DYM: variants seen among roughly 807,000 people sequenced by gnomAD.
DYM encodes dymeclin, also known as dyggve-Melchior-Clausen syndrome protein.
DYM carries 78 observed loss-of-function variants against 93.1 expected under a neutral mutation model. That is an observed-to-expected ratio of 0.84 (90% CI 0.70 to 1.01). The LOEUF is 1.01. Among genes scored for constraint, DYM ranks in the 50% least tolerant of loss-of-function variants. DYM has a pLI of 0.00. For synonymous variants in DYM, 321 were observed against 319.7 expected (o/e 1.00, Z -0.04); for missense variants, 789 against 845.0 (o/e 0.93, Z 0.82).
Position 49,088,586 on chromosome 18 carries a change from A to G in DYM, c.2025+8816T>C, listed in dbSNP as rs548853397. On this transcript the variant is annotated intron_variant, in intron 17 of 17. Coordinates refer to ENST00000675505, the MANE Select transcript of DYM (RefSeq NM_001353214.3). ...AAAAAAAGGCCTAACAGCCTTTTTTAAACAGTACTCCATAAAGCAGCAATG... is the reference window on the plus strand; with the variant it reads ...AAAAAAAGGCCTAACAGCCTTTTTTGAACAGTACTCCATAAAGCAGCAATG... Among the ~76,000 whole-genome samples the G allele has an allele frequency of 3.3e-5, 5 of 151,704 alleles. No individual in the cohort carries two copies. The East Asian group carries it at 9.7e-4, about 29-fold the overall frequency.
chr18:49,085,165 A>G (rs1568395378), intron 17 of DYM, among the ~76,000 whole-genome samples: 1 of 152,158 alleles, frequency 6.6e-6, no homozygotes, highest in Non-Finnish European at 1.5e-5. Flanking sequence ...TACTCTTATG[A>G]CTCAATAAAC....
intron 13 of DYM, among the ~76,000 whole-genome samples, chr18:49,215,623 G>T (rs943175393): frequency 2.6e-5 from 4 of 152,148 alleles, no homozygotes; most frequent in African/African-American, 9.7e-5. Context: ...GTGTTGAAAA[G>T]ATTATACTCT....
intron 17 of DYM, among the ~76,000 whole-genome samples, chr18:49,090,822 A>C (rs2145406417): frequency 6.6e-6 from 1 of 152,376 alleles, no homozygotes; most frequent in East Asian, 1.9e-4. Flanking sequence ...GACAGTCAAG[A>C]AGAGAACCAC....
chr18:49,313,562 C>A lies in DYM; in HGVS notation c.763+18302G>T, dbSNP rs56884108. 4.6e-3 allele frequency among the ~76,000 whole-genome samples: 673 copies of A among 145,210 alleles called. 3 individuals carry two copies. The highest frequency in any genetic ancestry group is 0.016 in the African/African-American group (628 of 39,208). On this transcript the variant is annotated intron_variant, in intron 8 of 17. Coordinates refer to ENST00000675505, the MANE Select transcript of DYM (RefSeq NM_001353214.3). Reference sequence around the variant, plus strand: ...TCACCCTATATGGTCTAAAAAGAGGCATGAATAATCCACCCCTTGTTTAGC... The same window carrying A: ...TCACCCTATATGGTCTAAAAAGAGGAATGAATAATCCACCCCTTGTTTAGC...
At chr18:49,212,021 A>C (rs1294757383) in intron 13 of DYM, among the ~76,000 whole-genome samples, 1 of 152,218 alleles carries the variant, frequency 6.6e-6, no homozygotes, top group Non-Finnish European at 1.5e-5. Context: ...GAACAAGTAG[A>C]TGTCATGTGG....
chr18:49,374,724 C>T (rs1370614195), intron 5 of DYM, among the ~76,000 whole-genome samples: 2 of 152,052 alleles, frequency 1.3e-5, no homozygotes, highest in South Asian at 2.1e-4. Context: ...TTTGGGAGGC[C>T]GAGGTGGGCA....
chr18:49,454,002 G>C (rs1239388435), intron 1 of DYM, among the ~76,000 whole-genome samples: 1 of 152,212 alleles, frequency 6.6e-6, no homozygotes, highest in African/African-American at 2.4e-5. Context: ...AGGCAAACCA[G>C]TGTTACAACC....
At chr18:49,377,891 A>T (rs890743723) in intron 5 of DYM, among the ~76,000 whole-genome samples, 2 of 152,178 alleles carry the variant, frequency 1.3e-5, no homozygotes, top group African/African-American at 2.4e-5. Flanking sequence ...CCCACAAGAG[A>T]TGTTAACATA....
chr18:49,348,992 G>A (rs2064878060), intron 6 of DYM, among the ~76,000 whole-genome samples: 1 of 150,670 alleles, frequency 6.6e-6, no homozygotes, highest in Non-Finnish European at 1.5e-5. Context: ...CAGATGACTT[G>A]AGCACAGCAG....
intron 13 of DYM, among the ~76,000 whole-genome samples, chr18:49,217,223 G>A (rs1042585099): frequency 1.3e-5 from 2 of 152,148 alleles, no homozygotes; most frequent in Non-Finnish European, 2.9e-5. Flanking sequence ...AAAAAGAAAC[G>A]AACAAAGCCT....
chr18:49,131,996 A>G (rs1055662039), intron 15 of DYM, among the ~76,000 whole-genome samples: 2 of 152,196 alleles, frequency 1.3e-5, no homozygotes, highest in African/African-American at 4.8e-5. Context: ...CAAATGTGTG[A>G]ATTTTATTTG....
intron 2 of DYM, among the ~76,000 whole-genome samples, chr18:49,426,511 G>A (rs1342979385): frequency 6.6e-6 from 1 of 151,544 alleles, no homozygotes; most frequent in Non-Finnish European, 1.5e-5. Flanking sequence ...AAACCTGCAT[G>A]TTGTGCACGT....
intron 14 of DYM, among the ~76,000 whole-genome samples, chr18:49,173,080 T>A (rs2088955743): frequency 6.6e-6 from 1 of 152,088 alleles, no homozygotes; most frequent in Non-Finnish European, 1.5e-5. Flanking sequence ...AAGATTATCC[T>A]TTCCCCCTTA....
chr18:49,179,423 G>A (rs1157069206), intron 14 of DYM, among the ~76,000 whole-genome samples: 1 of 152,084 alleles, frequency 6.6e-6, no homozygotes. Flanking sequence ...TTGATATACT[G>A]AGTACTTAAA....
At chr18:49,195,897 C>T (rs2145780616) in intron 14 of DYM, among the ~76,000 whole-genome samples, 1 of 146,248 alleles carries the variant, frequency 6.8e-6, no homozygotes, top group Non-Finnish European at 1.5e-5. Context: ...TCTAATTATG[C>T]TCTCTTGAAT....
chr18:49,183,461 G>A (rs151231048), intron 14 of DYM, among the ~76,000 whole-genome samples: 114 of 151,886 alleles, frequency 7.5e-4, no homozygotes, highest in Middle Eastern at 3.4e-3. Flanking sequence ...CTGTTCCTCC[G>A]TTAACTGCTT....
intron 2 of DYM, among the ~76,000 whole-genome samples, chr18:49,412,471 A>G (rs554532096): frequency 6.6e-6 from 1 of 152,304 alleles, no homozygotes; most frequent in South Asian, 2.1e-4. Flanking sequence ...GTTTTGACTC[A>G]AGATGTAAAA....
At chr18:49,379,851 A>G in intron 3 of DYM, 93 bp from the exon 4 acceptor site, 2 of 1,039,640 alleles carry the variant, frequency 1.9e-6, no homozygotes, top group South Asian at 2.6e-5. Flanking sequence ...ATGTCATATT[A>G]AAATTGCTCA....
At chr18:49,263,702 G>A (rs1160750881) in intron 11 of DYM, among the ~76,000 whole-genome samples, 7 of 152,044 alleles carry the variant, frequency 4.6e-5, no homozygotes, top group Admixed American at 1.3e-4. Context: ...GCACTCCAGC[G>A]TGGGCAACAG....
Sources: allele counts gnomAD v4.1 joint callset (sites outside exome capture counted in the v4.1 genomes callset), GRCh38; gene constraint gnomAD v4.1.1; transcripts MANE v1.5; gene names NCBI Gene and HGNC (gene_info 2026-07-23, HGNC 2026-07-21).